Variants in GAPVD1 observed in about 807,000 individuals in gnomAD.
GAPVD1 encodes GTPase-activating protein and VPS9 domain-containing protein 1.
A neutral mutation model predicts 155.5 loss-of-function variants in GAPVD1; 35 were observed. The ratio of observed to expected loss-of-function variants is 0.23; its 90% CI spans 0.17 to 0.30. The LOEUF is 0.30. Ranked by LOEUF, GAPVD1 falls within the 10% of genes least tolerant of loss-of-function variation. GAPVD1 has a pLI of 1.00. For missense variants in GAPVD1, 1,429 were observed against 1,775.7 expected (o/e 0.80, Z 3.51); for synonymous variants, 636 against 619.7 (o/e 1.03, Z -0.39).
intron 9 of GAPVD1, among the ~76,000 whole-genome samples, chr9:125,317,062 G>A (rs567181527): frequency 2.6e-5 from 4 of 152,244 alleles, no homozygotes; most frequent in Middle Eastern, 3.4e-3. Context: ...GTTCATGGCC[G>A]TAATCCCAGC....
At chr9:125,294,988 TTC>T (rs1411847030) in intron 2 of GAPVD1, among the ~76,000 whole-genome samples, 2 of 151,826 alleles carry the variant, frequency 1.3e-5, no homozygotes, top group African/African-American at 4.8e-5. Flanking sequence ...GAGCAAGTGC[TTC>T]TTTCGAGTCA....
chr9:125,307,385 T>C (rs1355572579), intron 6 of GAPVD1, 28 bp from the exon 7 acceptor site: 2 of 1,524,876 alleles, frequency 1.3e-6, no homozygotes, highest in Non-Finnish European at 1.8e-6. Context: ...AAGGGAAATG[T>C]TTCACTGTTT....
chr9:125,263,389 C>T (rs1833279093), intron 1 of GAPVD1, among the ~76,000 whole-genome samples: 1 of 152,206 alleles, frequency 6.6e-6, no homozygotes, highest in Admixed American at 6.5e-5. Flanking sequence ...GTGGATATTG[C>T]AGTGAGCCAA....
chr9:125,302,838 C>CTAT lies in GAPVD1; in HGVS notation c.1029+21_1029+23dup, dbSNP rs759279783. 6.4e-7 allele frequency: 1 copy of CTAT among 1,569,126 alleles called. No individual in the cohort carries two copies. The highest frequency in any genetic ancestry group is 2.3e-5 in the East Asian group (1 of 44,376). On this transcript the variant is annotated intron_variant, in intron 5 of 27. Coordinates refer to ENST00000297933, the MANE Select transcript of GAPVD1 (RefSeq NM_001282680.3). ...TTAATCTGATGCAGGTATGCTTTTG[C>CTAT]TATTATTATTAACGTGGCATTTAGT...
rs1379407202 is a variant in GAPVD1, at chr9:125,273,496, CT to C, written c.-150+4527del. Among the ~76,000 whole-genome samples the C allele has an allele frequency of 4.3e-3, 557 of 129,528 alleles. 1 individual carries two copies. The highest frequency in any genetic ancestry group is 4.9e-3 in the Admixed American group (63 of 12,970). The allele number at this position is 129,528 out of a possible 152,430, so 85.0% of individuals were successfully genotyped here. On this transcript the variant is annotated intron_variant, in intron 2 of 27. Coordinates refer to ENST00000297933, the MANE Select transcript of GAPVD1 (RefSeq NM_001282680.3). ...GCCAAATTTTTATTGTTTTTCTTTT[CT>C]TTTTTTTTTTTTTTAATTCTTCAGC...
chr9:125,278,704 A>G (rs1836220663), intron 2 of GAPVD1, among the ~76,000 whole-genome samples: 1 of 151,666 alleles, frequency 6.6e-6, no homozygotes, highest in Non-Finnish European at 1.5e-5. Flanking sequence ...ATGCGGTAGT[A>G]CATGCTTGTA....
chr9:125,301,293 C>G (rs1443066655), intron 4 of GAPVD1, among the ~76,000 whole-genome samples: 2 of 152,130 alleles, frequency 1.3e-5, no homozygotes, highest in Admixed American at 1.3e-4. Flanking sequence ...TGGTCTTGAA[C>G]TCCTGGGCTC....
At chr9:125,306,268 A>G (rs116943946) in intron 6 of GAPVD1, among the ~76,000 whole-genome samples, 4,136 of 152,032 alleles carry the variant, frequency 0.027, 86 homozygotes, top group Middle Eastern at 0.051. Context: ...GGTTCAAGCA[A>G]TTCTCCTGCC....
intron 12 of GAPVD1, among the ~76,000 whole-genome samples, chr9:125,329,094 G>A (rs148042221): frequency 0.013 from 1,963 of 151,906 alleles, 102 homozygotes; most frequent in East Asian, 0.088. Flanking sequence ...CTTCGGCTCC[G>A]CATGAGAGGG....
In GAPVD1 at chr9:125,351,063, A is replaced by G. The variant is rs1336910415; in HGVS notation, c.3569+191A>G. 2.6e-5 allele frequency among the ~76,000 whole-genome samples: 4 copies of G among 152,186 alleles called. No homozygotes were observed. The East Asian group carries it at 7.7e-4, about 29-fold the overall frequency. ...TATACCCGAGACTAGCCAATTTACC[A>G]AAGAAGAGGTTTATTGGACTTACAG... On this transcript the variant is annotated intron_variant, in intron 23 of 27. Transcript: ENST00000297933.
chr9:125,263,787 A>T lies in GAPVD1; in HGVS notation c.-199+1828A>T. 4 of 1,001,502 alleles carry T rather than the reference A, an allele frequency of 4.0e-6. No homozygotes were observed. The South Asian group carries it at 5.1e-5, about 13-fold the overall frequency. The allele number at this position is 1,001,502 out of a possible 1,614,324, so 62.0% of individuals were successfully genotyped here. A position where few individuals can be genotyped will look rare whatever the true frequency, so the allele number is the denominator to read the frequency against. Reference sequence around the variant, plus strand: ...CAGGTCACTCACCCTCCAGACCTTTAGGCTGAGGCCTGCCGGTCTCTGGAC... The same window carrying T: ...CAGGTCACTCACCCTCCAGACCTTTTGGCTGAGGCCTGCCGGTCTCTGGAC... On this transcript the variant is annotated intron_variant, in intron 1 of 27. Transcript: ENST00000297933.
chr9:125,287,323 A>G (rs1034466919), intron 2 of GAPVD1, among the ~76,000 whole-genome samples: 3 of 152,090 alleles, frequency 2.0e-5, no homozygotes, highest in African/African-American at 7.2e-5. Flanking sequence ...GGATCACTTG[A>G]GCTCAGGAGT....
rs1261943243 is a variant in GAPVD1 at position 125,337,846 on chromosome 9, C to T, written c.2877+255C>T. ...AATTTTGTATCTGATTTTATTTAAA[C>T]CTTACAATATCTTTCTGAGATGTTA... On this transcript the variant is annotated intron_variant, in intron 17 of 27. Transcript: ENST00000297933. Among the ~76,000 whole-genome samples, 21 of 152,102 alleles carry T rather than the reference C, an allele frequency of 1.4e-4. 1 individual carries two copies. Among genetic ancestry groups the T allele is most frequent in the Admixed American group, 1.4e-3 (21 of 15,246 alleles).
At chr9:125,317,458 TCTA>T (rs992773397) in intron 9 of GAPVD1, among the ~76,000 whole-genome samples, 4 of 151,240 alleles carry the variant, frequency 2.6e-5, no homozygotes, top group African/African-American at 9.7e-5. Context: ...AAACCCTGTC[TCTA>T]CTAAAAATAC....
chr9:125,359,544 T>C (rs1305177866), intron 26 of GAPVD1, 52 bp downstream of exon 26: 1 of 875,666 alleles, frequency 1.1e-6, no homozygotes, highest in Non-Finnish European at 2.0e-6. Flanking sequence ...CTGCGTGTTA[T>C]TATACCATAT....
Position 125,348,368 on chromosome 9 carries a change from A to ATT in GAPVD1, c.3170-1016_3170-1015dup, listed in dbSNP as rs879583576. On this transcript the variant is annotated intron_variant, in intron 20 of 27. Transcript: ENST00000297933. Reference sequence around the variant, plus strand: ...CACAATATATTTATTATATTTATATATTTTTTTGTAGAGGTGAGGTCTCAC... The same window carrying ATT: ...CACAATATATTTATTATATTTATATATTTTTTTTTGTAGAGGTGAGGTCTCAC... 1.6e-4 allele frequency among the ~76,000 whole-genome samples: 24 copies of ATT among 152,000 alleles called. No homozygotes were observed. In the Middle Eastern group the frequency reaches 0.01, roughly 65 times the overall value.
rs191544281 is a variant in GAPVD1, at chr9:125,344,772, C to G, written c.3047-2047C>G. Among the ~76,000 whole-genome samples the G allele has an allele frequency of 7.1e-4, 107 of 151,120 alleles. 2 individuals are homozygous for G. The highest frequency in any genetic ancestry group is 2.0e-3 in the African/African-American group (84 of 41,106). ...ACATTAAGCTATGTGCCACTGCACTCCAGCCTGGGTGACAGAGCAAGACCT... is the reference window on the plus strand; with the variant it reads ...ACATTAAGCTATGTGCCACTGCACTGCAGCCTGGGTGACAGAGCAAGACCT... On this transcript the variant is annotated intron_variant, in intron 19 of 27. Coordinates refer to ENST00000297933, the MANE Select transcript of GAPVD1 (RefSeq NM_001282680.3).
chr9:125,350,688 CAG>C, intron 22 of GAPVD1, 23 bp from the exon 23 acceptor site: 1 of 1,371,450 alleles, frequency 7.3e-7, no homozygotes, highest in Non-Finnish European at 1.0e-6. Flanking sequence ...TCAAGAATAA[CAG>C]AATTCTTGTA....
rs753434973 is a variant in GAPVD1, at chr9:125,312,577, C to T, written c.1567C>T (p.Pro523Ser). The change falls in exon 9 of 28, where the codon CCC becomes TCC. Residue 523 changes from proline to serine, a missense_variant. Transcript: ENST00000297933. ...EVLVISLGTG[P>S]QLTPGMMSEN... ...GTTGGTCATTTCCTTAGGTACAGGT[C>T]CCCAGCTTACTCCAGGGATGATGTC... is the stretch of plus-strand genomic sequence containing the variant. 6 of 1,597,236 alleles carry T rather than the reference C, an allele frequency of 3.8e-6. No homozygotes were observed. The highest frequency in any genetic ancestry group is 2.7e-5 in the African/African-American group (2 of 73,912).
Sources: gnomAD v4.1 joint callset for allele counts (sites outside exome capture counted in the v4.1 genomes callset) on GRCh38, gnomAD v4.1.1 for gene constraint, MANE v1.5 for transcripts, NCBI Gene and HGNC (gene_info 2026-07-23, HGNC 2026-07-21) for gene names.